Variants in LCA5 observed in about 807,000 individuals in gnomAD.
The protein encoded by LCA5 is lebercilin LCA5, also known as lebercilin.
In LCA5, 37 loss-of-function variants were observed where a neutral mutation model predicts 53.0. The ratio of observed to expected loss-of-function variants is 0.70; its 90% CI spans 0.54 to 0.92. LCA5 has a LOEUF of 0.92. Ranked by LOEUF, LCA5 falls within the 40% of genes least tolerant of loss-of-function variation. The probability of loss-of-function intolerance (pLI) is 0.00; values close to 1 mark genes in which losing one functional copy is unlikely to be tolerated. For synonymous variants in LCA5, 303 were observed against 282.9 expected (o/e 1.07, Z -0.71); for missense variants, 806 against 790.5 (o/e 1.02, Z -0.23).
intron 1 of LCA5, among the ~76,000 whole-genome samples, chr6:79,524,997 C>A (rs762003947): frequency 6.6e-6 from 1 of 151,824 alleles, no homozygotes; most frequent in Non-Finnish European, 1.5e-5. Flanking sequence ...ATCTTCTAAA[C>A]CATCATTTAA....
intron 3 of LCA5, 92 bp downstream of exon 3, chr6:79,513,120 C>A: frequency 7.9e-7 from 1 of 1,261,818 alleles, no homozygotes; most frequent in East Asian, 2.3e-5. Context: ...CAAGCAAATA[C>A]CAAACTGCAA....
At chr6:79,501,401 C>A (rs1770135529) in intron 3 of LCA5, among the ~76,000 whole-genome samples, 1 of 151,984 alleles carries the variant, frequency 6.6e-6, no homozygotes, top group Non-Finnish European at 1.5e-5. Context: ...GGAGCCTGGT[C>A]AAATTCACTG....
chr6:79,488,786 T>C lies in LCA5; in HGVS notation c.1231+298A>G, dbSNP rs574980120. 6.1e-6 allele frequency: 3 copies of C among 490,464 alleles called. No individual in the cohort carries two copies. The African/African-American group carries it at 7.5e-5, about 12-fold the overall frequency. The allele number at this position is 490,464 out of a possible 1,614,324, so 30.4% of individuals were successfully genotyped here. On this transcript the variant is annotated intron_variant, in intron 7 of 7. Transcript: ENST00000369846. ...AAAATATGTAAGAACACCACAAGTATAGTAACTTTAGTAAGTGGCATCTGA... is the reference window on the plus strand; with the variant it reads ...AAAATATGTAAGAACACCACAAGTACAGTAACTTTAGTAAGTGGCATCTGA...
At chr6:79,512,323 G>GA (rs919497161) in intron 3 of LCA5, among the ~76,000 whole-genome samples, 2 of 151,840 alleles carry the variant, frequency 1.3e-5, no homozygotes, top group African/African-American at 2.4e-5. Context: ...AATTTTGGAG[G>GA]AAAAAAATAG....
chr6:79,512,424 T>C (rs1013445081), intron 3 of LCA5, among the ~76,000 whole-genome samples: 7 of 152,114 alleles, frequency 4.6e-5, no homozygotes, highest in South Asian at 2.1e-4. Flanking sequence ...GCATATTATA[T>C]AGAGTAAGTA....
chr6:79,532,011 T>C (rs1034237226), intron 1 of LCA5, among the ~76,000 whole-genome samples: 4 of 152,308 alleles, frequency 2.6e-5, no homozygotes, highest in Non-Finnish European at 4.4e-5. Context: ...CAAATTTACA[T>C]GTCCAAAACT....
At chr6:79,499,027 A>G (rs962785467) in intron 3 of LCA5, among the ~76,000 whole-genome samples, 2 of 152,156 alleles carry the variant, frequency 1.3e-5, no homozygotes, top group African/African-American at 2.4e-5. Context: ...TAAAAATTGC[A>G]TCACAACTAA....
Position 79,486,432 on chromosome 6 carries a change from CT to C in LCA5, c.*571del, listed in dbSNP as rs1159250073. 2 of 152,362 alleles carry C rather than the reference CT, an allele frequency of 1.3e-5. No homozygotes were observed. The highest frequency in any genetic ancestry group is 2.9e-5 in the Non-Finnish European group (2 of 68,220). 9.4% of individuals were successfully genotyped at this position (152,362 alleles called of 1,614,324 possible). A position where few individuals can be genotyped will look rare whatever the true frequency, so the allele number is the denominator to read the frequency against. On this transcript the variant is annotated 3_prime_UTR_variant, in exon 8 of 8. Transcript: ENST00000369846. ...AAATTGGGAAATGAGTAGTGTTTAG[CT>C]GTGGGTACTTTCAGAGGAATGGGAA...
intron 6 of LCA5, among the ~76,000 whole-genome samples, chr6:79,490,319 T>A (rs1169852508): frequency 1.4e-5 from 2 of 145,052 alleles, no homozygotes; most frequent in Non-Finnish European, 3.0e-5. Flanking sequence ...GAAAAAAAAA[T>A]TTCATGATTA....
chr6:79,511,180 T>G (rs1052534642), intron 3 of LCA5, among the ~76,000 whole-genome samples: 4 of 151,960 alleles, frequency 2.6e-5, no homozygotes, highest in African/African-American at 9.7e-5. Context: ...CAAACAAAAA[T>G]GTGCACATAA....
At chr6:79,520,490 T>C (rs937591624) in intron 1 of LCA5, among the ~76,000 whole-genome samples, 1 of 152,152 alleles carries the variant, frequency 6.6e-6, no homozygotes, top group Non-Finnish European at 1.5e-5. Context: ...TAATTTTATC[T>C]CTCCATTAAC....
chr6:79,513,681 C>A lies in LCA5; in HGVS notation c.251G>T (p.Arg84Leu). The A allele has an allele frequency of 1.2e-6, 2 of 1,613,650 alleles. No homozygotes were observed. Among genetic ancestry groups the A allele is most frequent in the Non-Finnish European group, 1.7e-6 (2 of 1,179,752 alleles). ...PNRKGVRVGFRSQSLNREPLR... is the reference protein window; with the variant it reads ...PNRKGVRVGFLSQSLNREPLR... Reference sequence around the variant, plus strand: ...TGGCTCTCTATTGAGGCTCTGGGAGCGAAATCCCACTCGGACTCCCTTTCT... The same window carrying A: ...TGGCTCTCTATTGAGGCTCTGGGAGAGAAATCCCACTCGGACTCCCTTTCT... The change falls in exon 3 of 8, where the codon CGC becomes CTC. Residue 84 changes from arginine (R) to leucine (L), a missense_variant. By Grantham distance (102) the Arg-to-Leu change is moderately radical. Coordinates refer to ENST00000369846, the MANE Select transcript of LCA5 (RefSeq NM_001122769.3).
At chr6:79,498,133 G>C (rs939347715) in intron 3 of LCA5, among the ~76,000 whole-genome samples, 3 of 150,616 alleles carry the variant, frequency 2.0e-5, no homozygotes, top group Admixed American at 1.3e-4. Flanking sequence ...TGCATTTAGG[G>C]GTAAAGAGCA....
chr6:79,525,983 T>A (rs572806123), intron 1 of LCA5, among the ~76,000 whole-genome samples: 2 of 152,318 alleles, frequency 1.3e-5, no homozygotes, highest in Admixed American at 1.3e-4. Context: ...ATTATGGGTG[T>A]ATAGGGATTT....
In LCA5 at chr6:79,493,725, C is replaced by G. The variant is rs1408197958; in HGVS notation, c.746G>C (p.Ser249Thr). The G allele has an allele frequency of 5.0e-6, 8 of 1,613,320 alleles. No individual in the cohort carries two copies. Among genetic ancestry groups the G allele is most frequent in the Non-Finnish European group, 6.8e-6 (8 of 1,179,566 alleles). ...IKELSKNLEL[S>T]TNSFQRQLLA... ...CAACTGTCGTTGGAAACTGTTAGTA[C>G]TCAGTTCAAGGTTTTTCGATAGCTC... The change falls in exon 4 of 8, where the codon AGT becomes ACT. Residue 249 changes from serine to threonine, a missense_variant. By Grantham distance (58) the Ser-to-Thr change is moderately conservative. Coordinates refer to ENST00000369846, the MANE Select transcript of LCA5 (RefSeq NM_001122769.3).
intron 3 of LCA5, among the ~76,000 whole-genome samples, chr6:79,505,999 G>A (rs1770263212): frequency 6.6e-6 from 1 of 152,080 alleles, no homozygotes; most frequent in South Asian, 2.1e-4. Flanking sequence ...TTACATGGAA[G>A]CAATCAACAA....
At chr6:79,516,632 A>G (rs1031287125) in intron 2 of LCA5, among the ~76,000 whole-genome samples, 45 of 151,926 alleles carry the variant, frequency 3.0e-4, no homozygotes, top group African/African-American at 1.1e-3. Flanking sequence ...GCTTTCATCT[A>G]CCTTTTTATT....
chr6:79,493,467 C>G (rs2073331222), intron 4 of LCA5, 146 bp downstream of exon 4: 2 of 778,826 alleles, frequency 2.6e-6, no homozygotes, highest in South Asian at 1.9e-5. Flanking sequence ...ACCAACAAAC[C>G]TTTTCTAAGT....
rs1200356946 is a variant in LCA5, at chr6:79,487,348, T to C, written c.1750A>G (p.Met584Val). Reference sequence around the variant, plus strand: ...ACACCATCTTTACTAAGTTTTTCCATACTGTTTCTTTGGAAATCCAAAAAA... The same window carrying C: ...ACACCATCTTTACTAAGTTTTTCCACACTGTTTCTTTGGAAATCCAAAAAA... Reference protein sequence around the residue: ...SSFLDFQRNSMEKLSKDGVDL... With the variant: ...SSFLDFQRNSVEKLSKDGVDL... Residue 584 changes from methionine (M) to valine (V), a missense_variant, in exon 8 of 8, where the codon ATG (methionine) becomes GTG (valine). Physicochemically the swap from Met to Val is conservative, Grantham distance 21 (BLOSUM62 1). Coordinates refer to ENST00000369846, the MANE Select transcript of LCA5 (RefSeq NM_001122769.3). The C allele has an allele frequency of 3.1e-6, 5 of 1,613,516 alleles. No homozygotes were observed. The highest frequency in any genetic ancestry group is 2.2e-5 in the South Asian group (2 of 90,964).
Sources: allele counts gnomAD v4.1 joint callset (sites outside exome capture counted in the v4.1 genomes callset), GRCh38; gene constraint gnomAD v4.1.1; transcripts MANE v1.5; gene names NCBI Gene and HGNC (gene_info 2026-07-23, HGNC 2026-07-21).